Variants in SMARCA1 observed in about 807,000 individuals in gnomAD.
SMARCA1 encodes the protein SNF2 related chromatin remodeling ATPase 1.
SMARCA1 carries 17 observed loss-of-function variants against 93.6 expected under a neutral mutation model. That is an observed-to-expected ratio of 0.18 (90% confidence interval 0.12 to 0.27). The LOEUF is 0.27. Ranked by LOEUF, SMARCA1 falls within the 10% of genes least tolerant of loss-of-function variation. The probability of loss-of-function intolerance (pLI) is 1.00; values close to 1 mark genes in which losing one functional copy is unlikely to be tolerated. For synonymous variants in SMARCA1, 271 were observed against 271.4 expected (o/e 1.00, Z 0.01); for missense variants, 630 against 819.0 (o/e 0.77, Z 2.82).
chrX:129,468,686 C>T lies in SMARCA1; in HGVS notation c.2698+87G>A, dbSNP rs1026275736. 4 of 638,897 alleles carry T rather than the reference C, an allele frequency of 6.3e-6. No homozygotes were observed. In the African/African-American group the frequency reaches 9.0e-5, roughly 14 times the overall value. 52.7% of individuals were successfully genotyped at this position (638,897 alleles called of 1,213,427 possible). ...ATGTCTTATTCATAAAAGTTTAAAA[C>T]ATCTCTGAACAAAGGTACAATTAAA... On this transcript the variant is annotated intron_variant, in intron 21 of 24. Transcript: ENST00000371121.
chrX:129,489,066 C>G lies in SMARCA1; in HGVS notation c.1968G>C (p.Gln656His), dbSNP rs1934018392. 8.4e-7 allele frequency: 1 copy of G among 1,187,186 alleles called. No homozygotes were observed. Among genetic ancestry groups the G allele is most frequent in the Non-Finnish European group, 1.1e-6 (1 of 876,357 alleles). The change falls in exon 16 of 25, where the codon CAG (glutamine) becomes CAC (histidine). Residue 656 changes from glutamine (Q) to histidine (H), a missense_variant. Physicochemically the swap from Gln to His is conservative, Grantham distance 24. Coordinates refer to ENST00000371121, the MANE Select transcript of SMARCA1 (RefSeq NM_001282874.2). ...VIQQGRLIDQ[Q>H]SNKLAKEEML... ...TTTCCTCTTTTGCCAGCTTGTTAGA[C>G]TGTTGGTCAATGAGTCTTCCTAATG...
Position 129,512,059 on chromosome X carries a change from C to A in SMARCA1, c.631-76G>T, listed in dbSNP as rs779190531. ...AAACATTTTGTTAGGAACAACATAA[C>A]AAAAGATCTTTGTCCACTATCTCGC... On this transcript the variant is annotated intron_variant, in intron 5 of 24. Transcript: ENST00000371121. 32 of 812,212 alleles carry A rather than the reference C, an allele frequency of 3.9e-5. No homozygotes were observed. The African/African-American group carries it at 5.6e-4, about 14-fold the overall frequency. The allele number at this position is 812,212 out of a possible 1,213,427, so 66.9% of individuals were successfully genotyped here. A position where few individuals can be genotyped will look rare whatever the true frequency, so the allele number is the denominator to read the frequency against.
rs1375935371 is a variant in SMARCA1 at position 129,504,822 on chromosome X, C to T, written c.1099-20G>A. ...AAAGTCCTGTAGAGGGGTGGAAATT[C>T]TCCAATGAGTGCACAGTTTTTTTAA... On this transcript the variant is annotated intron_variant, in intron 8 of 24. Coordinates refer to ENST00000371121, the MANE Select transcript of SMARCA1 (RefSeq NM_001282874.2). 1.6e-5 allele frequency: 17 copies of T among 1,068,866 alleles called. No individual in the cohort carries two copies. Among genetic ancestry groups the T allele is most frequent in the Non-Finnish European group, 2.1e-5 (16 of 767,592 alleles). The allele number at this position is 1,068,866 out of a possible 1,213,427, so 88.1% of individuals were successfully genotyped here. A position where few individuals can be genotyped will look rare whatever the true frequency, so the allele number is the denominator to read the frequency against.
chrX:129,518,901 C>T (rs1479630310), intron 1 of SMARCA1, among the ~76,000 whole-genome samples: 1 of 111,054 alleles, frequency 9.0e-6, no homozygotes, highest in East Asian at 2.8e-4. Flanking sequence ...GAAAAAAAAA[C>T]TGTGGTTTCT....
intron 17 of SMARCA1, 21 bp downstream of exon 17, chrX:129,486,997 T>C (rs1933920844): frequency 8.7e-7 from 1 of 1,150,967 alleles, no homozygotes; most frequent in South Asian, 2.0e-5. Flanking sequence ...GAGGGTCTAA[T>C]GGTTGAGAGT....
intron 10 of SMARCA1, among the ~76,000 whole-genome samples, chrX:129,499,430 A>T (rs1934464619): frequency 9.0e-6 from 1 of 111,528 alleles, no homozygotes; most frequent in African/African-American, 3.3e-5. Flanking sequence ...CATAAATTAA[A>T]TATTATTATC....
intron 6 of SMARCA1, among the ~76,000 whole-genome samples, chrX:129,509,224 A>G (rs1432189537): frequency 9.0e-6 from 1 of 110,560 alleles, no homozygotes; most frequent in Admixed American, 9.7e-5. Flanking sequence ...ATCTGGAGTT[A>G]CAGTGCATAA....
chrX:129,496,396 T>C (rs771823560), intron 12 of SMARCA1, among the ~76,000 whole-genome samples: 1 of 109,506 alleles, frequency 9.1e-6, no homozygotes, highest in Non-Finnish European at 1.9e-5. Context: ...AGGTCTGCTA[T>C]AGCTGGCAAA....
chrX:129,501,683 G>A (rs12856403), intron 9 of SMARCA1, among the ~76,000 whole-genome samples: 35 of 86,278 alleles, frequency 4.1e-4, no homozygotes, highest in Admixed American at 6.3e-4. Context: ...GTGAGATCTC[G>A]GCTCACTGCA....
At chrX:129,521,033 A>C (rs1602745153) in intron 1 of SMARCA1, among the ~76,000 whole-genome samples, 1 of 104,514 alleles carries the variant, frequency 9.6e-6, no homozygotes, top group Admixed American at 1.0e-4. Flanking sequence ...GCCTGCCACC[A>C]CACTTGGCTA....
chrX:129,508,087 T>A lies in SMARCA1; in HGVS notation c.820A>T (p.Ile274Phe), dbSNP rs775395782. 1 of 1,153,581 alleles carries A rather than the reference T, an allele frequency of 8.7e-7. No homozygotes were observed. Among genetic ancestry groups the A allele is most frequent in the Non-Finnish European group, 1.2e-6 (1 of 857,065 alleles). The change falls in exon 7 of 25, where the codon ATT (isoleucine) becomes TTT (phenylalanine). Residue 274 changes from isoleucine to phenylalanine, a missense_variant. This residue lies in a region of SMARCA1 where 382 missense variants were observed against 537.9 expected (regional missense o/e 0.71). Coordinates refer to ENST00000371121, the MANE Select transcript of SMARCA1 (RefSeq NM_001282874.2). ...TCTCCTGGCATCATTTCATCACGAA[T>A]AAAAGCAGCCTAATGCAAAATAAAA... The part of the protein sequence containing the change: ...VGDKDARAAF[I>F]RDEMMPGEWD...
At chrX:129,472,521 T>C (rs1056406521) in intron 19 of SMARCA1, among the ~76,000 whole-genome samples, 3 of 111,712 alleles carry the variant, frequency 2.7e-5, no homozygotes, top group African/African-American at 9.8e-5. Context: ...AGTACAATAG[T>C]TCTTCAGGTA....
Position 129,448,959 on chromosome X carries a change from T to C in SMARCA1, c.3031-516A>G, listed in dbSNP as rs766285574. 1.5e-3 allele frequency among the ~76,000 whole-genome samples: 163 copies of C among 105,405 alleles called. 1 individual carries two copies. The highest frequency in any genetic ancestry group is 2.8e-3 in the Non-Finnish European group (144 of 51,955). The allele number at this position is 105,405 out of a possible 115,157, so 91.5% of individuals were successfully genotyped here. A position where few individuals can be genotyped will look rare whatever the true frequency, so the allele number is the denominator to read the frequency against. Reference sequence around the variant, plus strand: ...CAACTCTACACATGACAAAACTGCATTGAACTGCACACACACACACACACA... The same window carrying C: ...CAACTCTACACATGACAAAACTGCACTGAACTGCACACACACACACACACA... On this transcript the variant is annotated intron_variant, in intron 23 of 24. Transcript: ENST00000371121.
chrX:129,514,697 A>G (rs929356521), intron 5 of SMARCA1, among the ~76,000 whole-genome samples: 3 of 111,982 alleles, frequency 2.7e-5, no homozygotes, highest in African/African-American at 9.8e-5. Flanking sequence ...GGAAAGTAAG[A>G]AAGACAAGTA....
chrX:129,499,473 A>G (rs374232930), intron 10 of SMARCA1, among the ~76,000 whole-genome samples: 13 of 112,021 alleles, frequency 1.2e-4, no homozygotes, highest in African/African-American at 2.3e-4. Context: ...TAGGCTATGT[A>G]ACTTGCCCAA....
intron 16 of SMARCA1, among the ~76,000 whole-genome samples, chrX:129,488,185 A>G (rs993556498): frequency 9.2e-6 from 1 of 108,937 alleles, no homozygotes; most frequent in Non-Finnish European, 1.9e-5. Flanking sequence ...TTCTGAAACA[A>G]CTTATTATGC....
intron 21 of SMARCA1, among the ~76,000 whole-genome samples, chrX:129,466,627 C>G (rs1350638126): frequency 9.0e-6 from 1 of 110,871 alleles, no homozygotes; most frequent in African/African-American, 3.3e-5. Context: ...TGCACTCCAG[C>G]CTGGGCGATT....
At chrX:129,467,041 C>G (rs1019743369) in intron 21 of SMARCA1, among the ~76,000 whole-genome samples, 2 of 111,951 alleles carry the variant, frequency 1.8e-5, no homozygotes, top group Admixed American at 1.9e-4. Flanking sequence ...GGTATGTGAG[C>G]ACTCTGATTT....
chrX:129,455,669 G>A (rs1932589790), intron 23 of SMARCA1, among the ~76,000 whole-genome samples: 1 of 111,438 alleles, frequency 9.0e-6, no homozygotes, highest in Admixed American at 9.6e-5. Flanking sequence ...CAGCCTTATT[G>A]CTGATATGGA....
Sources: gnomAD v4.1 joint callset for allele counts (sites outside exome capture counted in the v4.1 genomes callset) on GRCh38, gnomAD v4.1.1 for gene constraint, gnomAD v4.1.1 regional missense constraint, MANE v1.5 for transcripts, NCBI Gene and HGNC (gene_info 2026-07-23, HGNC 2026-07-21) for gene names.